The following OSBPL10 variants were observed in gnomAD, a reference collection of about 807,000 sequenced individuals.
The protein encoded by OSBPL10 is oxysterol binding protein like 10.
OSBPL10 carries 49 observed loss-of-function variants against 81.7 expected under a neutral mutation model. The observed-to-expected ratio is 0.60, with a 90% confidence interval of 0.48 to 0.76. OSBPL10 has a LOEUF of 0.76. OSBPL10 is among the 30% of genes least tolerant of loss of function. OSBPL10 has a pLI of 0.00. For synonymous variants in OSBPL10, 419 were observed against 383.6 expected (o/e 1.09, Z -1.08); for missense variants, 923 against 987.8 (o/e 0.93, Z 0.88).
At chr3:31,809,060 A>C (rs749989627) in intron 4 of OSBPL10, among the ~76,000 whole-genome samples, 1 of 152,244 alleles carries the variant, frequency 6.6e-6, no homozygotes, top group Non-Finnish European at 1.5e-5. Context: ...GCCAAGAATA[A>C]TCACAACCGC....
intron 6 of OSBPL10, among the ~76,000 whole-genome samples, chr3:31,717,776 AT>A (rs1466287770): frequency 6.6e-6 from 1 of 152,136 alleles, no homozygotes; most frequent in Admixed American, 6.5e-5. Flanking sequence ...AGCAATTCAT[AT>A]TTTTTTCACA....
chr3:31,966,019 G>A (rs1698391367), intron 1 of OSBPL10, among the ~76,000 whole-genome samples: 1 of 132,688 alleles, frequency 7.5e-6, no homozygotes. Flanking sequence ...TATAGGCCAG[G>A]CTCAGTCGCT....
chr3:31,968,336 A>G (rs1486990052), intron 1 of OSBPL10, among the ~76,000 whole-genome samples: 1 of 152,188 alleles, frequency 6.6e-6, no homozygotes, highest in Admixed American at 6.5e-5. Flanking sequence ...GAAAGGAAGC[A>G]AAAACAAAAA....
intron 6 of OSBPL10, among the ~76,000 whole-genome samples, chr3:31,713,257 G>A (rs1696324544): frequency 6.6e-6 from 1 of 151,980 alleles, no homozygotes; most frequent in Non-Finnish European, 1.5e-5. Context: ...TGTTCATTCT[G>A]CTCACCCCTC....
chr3:31,663,716 T>G, intron 11 of OSBPL10: 8 of 1,136,238 alleles, frequency 7.0e-6, no homozygotes, highest in Non-Finnish European at 8.7e-6. Context: ...CTCAACTAAT[T>G]TGTTACTAAA....
Position 31,744,784 on chromosome 3 carries a change from A to AGG in OSBPL10, c.940+3124_940+3125dup, listed in dbSNP as rs558309188. 5.1e-4 allele frequency among the ~76,000 whole-genome samples: 55 copies of AGG among 108,258 alleles called. 1 individual carries two copies. In the East Asian group the frequency reaches 0.02, roughly 39 times the overall value. The allele number at this position is 108,258 out of a possible 152,430, so 71.0% of individuals were successfully genotyped here. A position where few individuals can be genotyped will look rare whatever the true frequency, so the allele number is the denominator to read the frequency against. ...AAATGCCAGAGAGCCAATGAAAATT[A>AGG]GGAAAAAAAAAAACAACGAATTTTC... On this transcript the variant is annotated intron_variant, in intron 5 of 11. Coordinates refer to ENST00000396556, the MANE Select transcript of OSBPL10 (RefSeq NM_017784.5).
chr3:31,947,798 C>T (rs1697744907), intron 1 of OSBPL10, among the ~76,000 whole-genome samples: 1 of 151,740 alleles, frequency 6.6e-6, no homozygotes, highest in Non-Finnish European at 1.5e-5. Flanking sequence ...GATGTGGCGA[C>T]TCCTATGCAA....
chr3:31,854,842 T>G (rs2125583892), intron 3 of OSBPL10, among the ~76,000 whole-genome samples: 1 of 152,320 alleles, frequency 6.6e-6, no homozygotes, highest in African/African-American at 2.4e-5. Flanking sequence ...TAAATACCTC[T>G]AACTGCTTCA....
chr3:31,663,242 C>T lies in OSBPL10; in HGVS notation c.2250+837G>A, dbSNP rs1700109370. On this transcript the variant is annotated intron_variant, in intron 11 of 11. Coordinates refer to ENST00000396556, the MANE Select transcript of OSBPL10 (RefSeq NM_017784.5). ...AAATTTTTTTAAATCTTTGACCATG[C>T]AAATATGAGATTTCTCATAAAAATT... 3.1e-6 allele frequency: 3 copies of T among 983,362 alleles called. No individual in the cohort carries two copies. The African/African-American group carries it at 5.2e-5, about 17-fold the overall frequency. 60.9% of individuals were successfully genotyped at this position (983,362 alleles called of 1,614,324 possible).
chr3:31,977,605 A>C (rs1351670909), intron 1 of OSBPL10, among the ~76,000 whole-genome samples: 1 of 152,198 alleles, frequency 6.6e-6, no homozygotes, highest in Non-Finnish European at 1.5e-5. Flanking sequence ...TCTAAGTGAC[A>C]ATGTGAATAG....
chr3:31,872,424 A>C (rs1220598701), intron 3 of OSBPL10, among the ~76,000 whole-genome samples: 4 of 151,156 alleles, frequency 2.6e-5, no homozygotes, highest in Non-Finnish European at 5.9e-5. Flanking sequence ...GGATTTCAAA[A>C]GCCAATACGT....
chr3:31,802,334 G>C (rs1378194123), intron 4 of OSBPL10, among the ~76,000 whole-genome samples: 1 of 151,158 alleles, frequency 6.6e-6, no homozygotes, highest in Non-Finnish European at 1.5e-5. Flanking sequence ...AAGGCGGACA[G>C]ATCATCTGAG....
At chr3:31,981,360 A>T (rs1345198868), upstream of OSBPL10, 1 of 1,101,584 alleles carries the variant, frequency 9.1e-7, no homozygotes, top group African/African-American at 1.6e-5. This position sits in a 1 kb window ranked among gnomAD's most constrained non-coding sequence, Gnocchi z 4.5. Flanking sequence ...GAAGGAAGCC[A>T]ACGGGGCTGG....
intron 1 of OSBPL10, among the ~76,000 whole-genome samples, chr3:31,914,191 G>A (rs1459421366): frequency 6.6e-6 from 1 of 152,166 alleles, no homozygotes. Flanking sequence ...AAAGTGCTGG[G>A]ATTACAGGCA....
At chr3:31,938,471 G>A (rs893637921) in intron 1 of OSBPL10, among the ~76,000 whole-genome samples, 6 of 152,160 alleles carry the variant, frequency 3.9e-5, no homozygotes, top group Middle Eastern at 3.2e-3. Flanking sequence ...AACCTGTTGA[G>A]CTCTCTTTCC....
intron 4 of OSBPL10, among the ~76,000 whole-genome samples, chr3:31,805,849 C>T (rs762987472): frequency 5.9e-5 from 9 of 152,174 alleles, no homozygotes; most frequent in Non-Finnish European, 1.3e-4. Context: ...GACTTGCAAG[C>T]TTACAATAAC....
intron 1 of OSBPL10, among the ~76,000 whole-genome samples, chr3:31,953,313 C>A (rs1008292931): frequency 1.3e-5 from 2 of 151,984 alleles, no homozygotes; most frequent in African/African-American, 2.4e-5. Context: ...ATCTGCAGAG[C>A]CTTGCTGTGT....
intron 1 of OSBPL10, among the ~76,000 whole-genome samples, chr3:32,069,048 A>G (rs573470573): frequency 6.6e-6 from 1 of 152,118 alleles, no homozygotes; most frequent in East Asian, 1.9e-4. Context: ...CTGCCCAACA[A>G]TTTCCTCTTA....
intron 4 of OSBPL10, among the ~76,000 whole-genome samples, chr3:31,809,236 T>C (rs561930599): frequency 1.3e-5 from 2 of 152,112 alleles, no homozygotes; most frequent in Non-Finnish European, 2.9e-5. Context: ...AATAAAAGAA[T>C]ATATTTAGAT....
Sources: allele counts gnomAD v4.1 joint callset (sites outside exome capture counted in the v4.1 genomes callset), GRCh38; gene constraint gnomAD v4.1.1; non-coding constraint Gnocchi (gnomAD v3.1); transcripts MANE v1.5; gene names NCBI Gene and HGNC (gene_info 2026-07-23, HGNC 2026-07-21).